The following TMEM229B variants were observed in gnomAD, a reference collection of about 807,000 sequenced individuals.
The protein encoded by TMEM229B is chromosome 14 open reading frame 83.
In TMEM229B, 6 loss-of-function variants were observed where a neutral mutation model predicts 13.7. The observed-to-expected ratio is 0.44, with a 90% CI of 0.24 to 0.86. TMEM229B has a LOEUF of 0.86. TMEM229B is among the 40% of genes least tolerant of loss of function. TMEM229B has a pLI of 0.23. For synonymous variants in TMEM229B, 107 were observed against 102.1 expected, an observed-to-expected ratio of 1.05 and a Z score of -0.29; for missense variants, 170 against 236.0, an observed-to-expected ratio of 0.72 and a Z score of 1.83.
upstream of TMEM229B, chr14:67,488,745 CCACATCCTGCCGG>C (rs2032029232): frequency 6.6e-6 from 1 of 152,402 alleles, no homozygotes. Flanking sequence ...AAACCAAAGA[CCACATCCTGCCGG>C]CACAGCCTGC....
At chr14:67,509,499 A>G (rs1480597802) in intron 1 of TMEM229B, among the ~76,000 whole-genome samples, 4 of 152,092 alleles carry the variant, frequency 2.6e-5, no homozygotes, top group African/African-American at 4.8e-5. Context: ...TTGTGTTTTT[A>G]GTAGAGATGG....
upstream of TMEM229B, among the ~76,000 whole-genome samples, chr14:67,489,945 A>C (rs1283328423): frequency 2.0e-5 from 3 of 151,466 alleles, no homozygotes; most frequent in Non-Finnish European, 4.4e-5. Context: ...ATCTGAGACC[A>C]CGCCACTGCA....
intron 2 of TMEM229B, among the ~76,000 whole-genome samples, chr14:67,486,422 A>G (rs774339147): frequency 6.6e-6 from 1 of 152,218 alleles, no homozygotes; most frequent in Non-Finnish European, 1.5e-5. Context: ...CCACAGGTGC[A>G]TGCCACAATG....
chr14:67,520,091 T>C (rs1210414266), upstream of TMEM229B, among the ~76,000 whole-genome samples: 1 of 152,168 alleles, frequency 6.6e-6, no homozygotes, highest in Non-Finnish European at 1.5e-5. Context: ...AGATTTCCCA[T>C]AGCTCCTGCC....
intron 2 of TMEM229B, among the ~76,000 whole-genome samples, chr14:67,477,039 G>T (rs749779048): frequency 1.3e-5 from 2 of 152,038 alleles, no homozygotes; most frequent in Admixed American, 6.6e-5. Context: ...GGTGGCATGC[G>T]CCTATAATCC....
At chr14:67,519,675 A>G (rs1274680168), upstream of TMEM229B, among the ~76,000 whole-genome samples, 2 of 151,902 alleles carry the variant, frequency 1.3e-5, no homozygotes, top group African/African-American at 4.8e-5. Context: ...AGCAAGCAGC[A>G]TAGGGAATTT....
chr14:67,473,156 C>T lies in TMEM229B; in HGVS notation c.*264G>A, dbSNP rs905071229. ...AGTCCATCGCTGCTCAGCCACAGGCCTCCTGGTACCAACCCCTGAACTGGG... is the reference window on the plus strand; with the variant it reads ...AGTCCATCGCTGCTCAGCCACAGGCTTCCTGGTACCAACCCCTGAACTGGG... On this transcript the variant is annotated 3_prime_UTR_variant, in exon 3 of 3. Coordinates refer to ENST00000554480, the MANE Select transcript of TMEM229B (RefSeq NM_001348543.2). The surrounding 1 kb of genome is among the most constrained non-coding windows in gnomAD (Gnocchi z 6.5). The T allele has an allele frequency of 3.4e-5, 17 of 500,060 alleles. No individual in the cohort carries two copies. The highest frequency in any genetic ancestry group is 1.1e-4 in the South Asian group (5 of 44,846). 31.0% of individuals were successfully genotyped at this position (500,060 alleles called of 1,614,324 possible).
chr14:67,502,190 G>A (rs1468835265), intron 1 of TMEM229B, among the ~76,000 whole-genome samples: 1 of 151,868 alleles, frequency 6.6e-6, no homozygotes, highest in Non-Finnish European at 1.5e-5. Context: ...AATTAGCTGG[G>A]TATGGTGGCA....
intron 1 of TMEM229B, among the ~76,000 whole-genome samples, 181 bp downstream of exon 1, chr14:67,488,327 C>T (rs917456764): frequency 2.0e-5 from 3 of 152,374 alleles, no homozygotes; most frequent in African/African-American, 7.2e-5. Flanking sequence ...AGTGAAAGGG[C>T]AGGAGTGGGG....
chr14:67,507,629 C>T (rs1329645016), intron 1 of TMEM229B, among the ~76,000 whole-genome samples: 2 of 152,104 alleles, frequency 1.3e-5, no homozygotes, highest in African/African-American at 2.4e-5. Context: ...TGTGTAAAGA[C>T]AAGGTCTCAC....
rs1391548649 is a variant in TMEM229B, at chr14:67,472,426, A to T, written c.*994T>A. The stretch of plus-strand genomic sequence containing the variant: ...ACTTGCCTCTAGGTCCCCACTGTGG[A>T]TCCACAGGGCCTAACCCAGCCTGCC... On this transcript the variant is annotated 3_prime_UTR_variant, in exon 3 of 3. Coordinates refer to ENST00000554480, the MANE Select transcript of TMEM229B (RefSeq NM_001348543.2). 1 of 152,326 alleles carries T rather than the reference A, an allele frequency of 6.6e-6. No homozygotes were observed. Among genetic ancestry groups the T allele is most frequent in the Admixed American group, 6.5e-5 (1 of 15,286 alleles). The allele number at this position is 152,326 out of a possible 1,614,324, so 9.4% of individuals were successfully genotyped here. A position where few individuals can be genotyped will look rare whatever the true frequency, so the allele number is the denominator to read the frequency against.
chr14:67,531,659 A>G (rs965610947), intron 1 of TMEM229B, among the ~76,000 whole-genome samples: 1 of 151,546 alleles, frequency 6.6e-6, no homozygotes, highest in African/African-American at 2.4e-5. Flanking sequence ...TCATCCCTGT[A>G]ATCCCAGCAC....
intron 1 of TMEM229B, among the ~76,000 whole-genome samples, chr14:67,531,408 C>T (rs144372051): frequency 1.3e-5 from 2 of 152,042 alleles, no homozygotes; most frequent in Non-Finnish European, 2.9e-5. Context: ...CCTCTACCAC[C>T]CTCCCACAGA....
At chr14:67,479,418 A>AT (rs1002462854) in intron 2 of TMEM229B, among the ~76,000 whole-genome samples, 4 of 150,846 alleles carry the variant, frequency 2.7e-5, no homozygotes, top group African/African-American at 9.8e-5. Flanking sequence ...CTCAAAAAAA[A>AT]AAAAAAATGC....
upstream of TMEM229B, among the ~76,000 whole-genome samples, chr14:67,519,275 T>G (rs10873204): frequency 1.3e-5 from 2 of 152,014 alleles, no homozygotes; most frequent in Admixed American, 1.3e-4. Context: ...AGAAATTTCA[T>G]TGGAAAAGAA....
At position 67,473,607 on chromosome 14, in the gene TMEM229B, G is replaced by C; in HGVS notation, c.317C>G (p.Ser106Cys). ...RQFNACPWDY[S>C]QFDFDFMGLI... ...GCCCATGAAGTCAAAGTCGAACTGG[G>C]AGTAGTCCCAGGGGCAGGCGTTGAA... The change falls in exon 3 of 3, where the codon TCC (serine) becomes TGC (cysteine). Residue 106 changes from serine to cysteine, a missense_variant. Transcript: ENST00000554480. The surrounding 1 kb of genome is among the most constrained non-coding windows in gnomAD (Gnocchi z 6.5). 1 of 1,601,202 alleles carries C rather than the reference G, an allele frequency of 6.2e-7. No homozygotes were observed. The highest frequency in any genetic ancestry group is 8.5e-7 in the Non-Finnish European group (1 of 1,174,040).
At chr14:67,517,843 G>A (rs2033231174), upstream of TMEM229B, among the ~76,000 whole-genome samples, 1 of 152,182 alleles carries the variant, frequency 6.6e-6, no homozygotes, top group Admixed American at 6.5e-5. Flanking sequence ...GCTAGTAAAG[G>A]CAAAATGCAG....
chr14:67,470,997 G>C lies in TMEM229B; in HGVS notation c.*2423C>G, dbSNP rs2030679890. 6.6e-6 allele frequency: 1 copy of C among 152,180 alleles called. No homozygotes were observed. Among genetic ancestry groups the C allele is most frequent in the Admixed American group, 6.5e-5 (1 of 15,272 alleles). 9.4% of individuals were successfully genotyped at this position (152,180 alleles called of 1,614,324 possible). Reference sequence around the variant, plus strand: ...AGAATTGAAGTCTGGGCTATCCCTGGTGAGATCTGAACCTGTAGATCCCGT... The same window carrying C: ...AGAATTGAAGTCTGGGCTATCCCTGCTGAGATCTGAACCTGTAGATCCCGT... On this transcript the variant is annotated 3_prime_UTR_variant, in exon 3 of 3. Coordinates refer to ENST00000554480, the MANE Select transcript of TMEM229B (RefSeq NM_001348543.2).
intron 1 of TMEM229B, among the ~76,000 whole-genome samples, chr14:67,523,885 TG>T (rs1428705983): frequency 6.6e-6 from 1 of 151,618 alleles, no homozygotes; most frequent in African/African-American, 2.4e-5. Context: ...GGTATAGAGC[TG>T]TGACCTCTCT....
Sources: gnomAD v4.1 joint callset for allele counts (sites outside exome capture counted in the v4.1 genomes callset) on GRCh38, gnomAD v4.1.1 for gene constraint, Gnocchi (gnomAD v3.1) non-coding constraint, MANE v1.5 for transcripts, NCBI Gene and HGNC (gene_info 2026-07-23, HGNC 2026-07-21) for gene names.